Variants in FAM171A1 observed in about 807,000 individuals in gnomAD.
FAM171A1 encodes family with sequence similarity 171 member A1.
FAM171A1 carries 23 observed loss-of-function variants against 74.9 expected under a neutral mutation model. The observed-to-expected ratio is 0.31, with a 90% CI of 0.22 to 0.44. The LOEUF is 0.44. Among genes scored for constraint, FAM171A1 ranks in the 20% least tolerant of loss-of-function variants. The pLI is 1.00. For synonymous variants in FAM171A1, 527 were observed against 505.7 expected (o/e 1.04, Z -0.57); for missense variants, 1,162 against 1,159.2 (o/e 1.00, Z -0.03).
intron 1 of FAM171A1, among the ~76,000 whole-genome samples, chr10:15,296,647 G>A (rs976644806): frequency 6.6e-6 from 1 of 152,186 alleles, no homozygotes; most frequent in African/African-American, 2.4e-5. Context: ...TCTCCACGTA[G>A]GCACCTTTCA....
chr10:15,309,920 G>T (rs963711905), intron 1 of FAM171A1, among the ~76,000 whole-genome samples: 1 of 152,158 alleles, frequency 6.6e-6, no homozygotes, highest in Non-Finnish European at 1.5e-5. Context: ...TAGGAGGAAA[G>T]AACACAAAAG....
chr10:15,268,651 T>C (rs1392088295), intron 3 of FAM171A1, among the ~76,000 whole-genome samples: 7 of 151,882 alleles, frequency 4.6e-5, no homozygotes, highest in African/African-American at 9.7e-5. Flanking sequence ...ATTAGAGCAT[T>C]GGAAGCCAGA....
chr10:15,247,656 T>A (rs1834452139), intron 5 of FAM171A1, among the ~76,000 whole-genome samples: 1 of 151,624 alleles, frequency 6.6e-6, no homozygotes, highest in Non-Finnish European at 1.5e-5. Context: ...GACCATGACC[T>A]CAATCTGGGC....
At chr10:15,245,231 A>G (rs1834417351) in intron 5 of FAM171A1, among the ~76,000 whole-genome samples, 1 of 152,036 alleles carries the variant, frequency 6.6e-6, no homozygotes, top group Non-Finnish European at 1.5e-5. Flanking sequence ...ACGCCCAGCT[A>G]ATTTTTTGTA....
intron 1 of FAM171A1, among the ~76,000 whole-genome samples, chr10:15,296,010 A>G (rs1345511948): frequency 1.5e-4 from 23 of 152,196 alleles, no homozygotes; most frequent in Non-Finnish European, 4.4e-5. Flanking sequence ...GCCCCATGTT[A>G]CTTGGTGTTA....
intron 4 of FAM171A1, among the ~76,000 whole-genome samples, chr10:15,251,949 T>A (rs1834514445): frequency 6.6e-6 from 1 of 152,110 alleles, no homozygotes; most frequent in Admixed American, 6.6e-5. Flanking sequence ...AGGAGCTGTA[T>A]CACCTTGGGC....
chr10:15,288,810 A>ATTTT (rs1554836621), intron 1 of FAM171A1, among the ~76,000 whole-genome samples: 22 of 75,988 alleles, frequency 2.9e-4, no homozygotes, highest in African/African-American at 9.2e-4. Flanking sequence ...TGATTCGGTA[A>ATTTT]TTCTTTTTTT....
intron 1 of FAM171A1, among the ~76,000 whole-genome samples, chr10:15,350,499 G>C (rs1199334108): frequency 1.3e-5 from 2 of 151,356 alleles, no homozygotes; most frequent in African/African-American, 2.4e-5. Context: ...GTGCCACCAC[G>C]CCCAGCTAAT....
Position 15,283,362 on chromosome 10 carries a change from C to A in FAM171A1, c.325+516G>T, listed in dbSNP as rs114783968. Among the ~76,000 whole-genome samples the A allele has an allele frequency of 5.3e-3, 806 of 152,318 alleles. 10 individuals are homozygous for A. The highest frequency in any genetic ancestry group is 0.018 in the African/African-American group (760 of 41,578). On this transcript the variant is annotated intron_variant, in intron 2 of 7. Transcript: ENST00000378116. Reference sequence around the variant, plus strand: ...CCATTCTCCAAGACCTGCTTAATATCTCTCAGGTTTATCCCCTTTTCTTAT... The same window carrying A: ...CCATTCTCCAAGACCTGCTTAATATATCTCAGGTTTATCCCCTTTTCTTAT...
chr10:15,218,837 C>T (rs11259552), intron 6 of FAM171A1, among the ~76,000 whole-genome samples: 6,374 of 152,130 alleles, frequency 0.042, 446 homozygotes, highest in African/African-American at 0.15. Context: ...CTCAAGAGAT[C>T]ATCCTGCCTT....
At chr10:15,345,403 T>A (rs756266112) in intron 1 of FAM171A1, among the ~76,000 whole-genome samples, 2 of 152,110 alleles carry the variant, frequency 1.3e-5, no homozygotes, top group East Asian at 3.8e-4. Context: ...CACACAGACC[T>A]GGGATGGCAG....
At chr10:15,243,138 T>C (rs1369839668) in intron 5 of FAM171A1, among the ~76,000 whole-genome samples, 1 of 152,032 alleles carries the variant, frequency 6.6e-6, no homozygotes, top group Non-Finnish European at 1.5e-5. Flanking sequence ...GCTTGCTGAT[T>C]TTGGCTTCCA....
intron 4 of FAM171A1, among the ~76,000 whole-genome samples, chr10:15,253,418 C>T (rs941433688): frequency 6.6e-6 from 1 of 152,118 alleles, no homozygotes; most frequent in African/African-American, 2.4e-5. Flanking sequence ...GACTGCTATG[C>T]CATCTTTCTG....
At chr10:15,329,111 G>A (rs1166128485) in intron 1 of FAM171A1, among the ~76,000 whole-genome samples, 1 of 152,168 alleles carries the variant, frequency 6.6e-6, no homozygotes, top group Non-Finnish European at 1.5e-5. Flanking sequence ...TCGGGAAGAA[G>A]GTTGAGAATC....
At chr10:15,366,784 C>T (rs1312831945) in intron 1 of FAM171A1, among the ~76,000 whole-genome samples, 3 of 152,132 alleles carry the variant, frequency 2.0e-5, no homozygotes, top group Admixed American at 1.3e-4. Flanking sequence ...GCAGTGTTTA[C>T]TAAAAGTAGG....
chr10:15,251,938 G>A (rs1834514230), intron 4 of FAM171A1, among the ~76,000 whole-genome samples: 1 of 152,142 alleles, frequency 6.6e-6, no homozygotes, highest in Admixed American at 6.5e-5. Context: ...CAAGCGAGGA[G>A]AGGAGCTGTA....
Position 15,262,319 on chromosome 10 carries a change from T to C in FAM171A1, c.419-7440A>G, listed in dbSNP as rs371650841. ...TTATTCAAGTGAGAAATGATAAAGT[T>C]CCAAATAAAGACAGCAGCTCTGGGG... On this transcript the variant is annotated intron_variant, in intron 3 of 7. Coordinates refer to ENST00000378116, the MANE Select transcript of FAM171A1 (RefSeq NM_001010924.2). Among the ~76,000 whole-genome samples the C allele has an allele frequency of 3.9e-5, 6 of 152,084 alleles. No individual in the cohort carries two copies. The South Asian group carries it at 6.2e-4, about 16-fold the overall frequency.
At position 15,212,497 on chromosome 10, in the gene FAM171A1, G is replaced by A. The variant is rs1383216889; in HGVS notation, c.*418C>T. The A allele has an allele frequency of 1.6e-5, 3 of 189,614 alleles. No homozygotes were observed. The highest frequency in any genetic ancestry group is 3.3e-5 in the Non-Finnish European group (3 of 91,544). 11.7% of individuals were successfully genotyped at this position (189,614 alleles called of 1,614,324 possible). ...CTTGAGACGCTACGTGCCAACCTAAGTTCTCAACGACAGCTTCACAGTAGG... is the reference window on the plus strand; with the variant it reads ...CTTGAGACGCTACGTGCCAACCTAAATTCTCAACGACAGCTTCACAGTAGG... On this transcript the variant is annotated 3_prime_UTR_variant, in exon 8 of 8. Coordinates refer to ENST00000378116, the MANE Select transcript of FAM171A1 (RefSeq NM_001010924.2).
At chr10:15,271,943 A>G (rs1378899330) in intron 3 of FAM171A1, among the ~76,000 whole-genome samples, 1 of 152,240 alleles carries the variant, frequency 6.6e-6, no homozygotes, top group African/African-American at 2.4e-5. Context: ...GCCAAATTCT[A>G]AAGACCACTG....
Sources: allele counts gnomAD v4.1 joint callset (sites outside exome capture counted in the v4.1 genomes callset), GRCh38; gene constraint gnomAD v4.1.1; transcripts MANE v1.5; gene names NCBI Gene and HGNC (gene_info 2026-07-23, HGNC 2026-07-21).